Variants in DZIP3 observed in about 807,000 individuals in gnomAD.
DZIP3 encodes the protein DAZ interacting zinc finger protein 3.
Under a neutral mutation model 162.0 loss-of-function variants are expected in DZIP3, and 118 were observed. The observed-to-expected ratio is 0.73, with a 90% confidence interval of 0.63 to 0.85. The LOEUF (loss-of-function observed/expected upper bound fraction) is 0.85. Among genes scored for constraint, DZIP3 ranks in the 40% least tolerant of loss-of-function variants. The pLI is 0.00. For missense variants in DZIP3, 1,331 were observed against 1,407.0 expected, an observed-to-expected ratio of 0.95 and a Z score of 0.86; for synonymous variants, 438 against 458.6, an observed-to-expected ratio of 0.96 and a Z score of 0.57.
intron 1 of DZIP3, among the ~76,000 whole-genome samples, chr3:108,593,517 A>ATTGGAAG (rs1424345544): frequency 6.6e-6 from 1 of 152,182 alleles, no homozygotes; most frequent in Non-Finnish European, 1.5e-5. Context: ...TGAAAAAGAA[A>ATTGGAAG]TTGGAAGTGT....
At chr3:108,680,127 T>A (rs1944252513) in intron 26 of DZIP3, among the ~76,000 whole-genome samples, 1 of 151,974 alleles carries the variant, frequency 6.6e-6, no homozygotes, top group South Asian at 2.1e-4. Context: ...AAAAATTAGG[T>A]ATAGGAGGTA....
chr3:108,688,215 C>G, intron 29 of DZIP3, 119 bp downstream of exon 29: 1 of 1,232,244 alleles, frequency 8.1e-7, no homozygotes, highest in Admixed American at 2.6e-5. Flanking sequence ...CATATTAAAT[C>G]ATCTATTAAC....
chr3:108,651,055 A>T, intron 17 of DZIP3, 82 bp from the exon 18 acceptor site: 1 of 508,296 alleles, frequency 2.0e-6, no homozygotes, highest in Non-Finnish European at 2.9e-6. Context: ...TTTGAGAAAC[A>T]CTGACCTAAA....
chr3:108,595,845 C>A (rs1400649835), intron 1 of DZIP3, among the ~76,000 whole-genome samples: 1 of 152,190 alleles, frequency 6.6e-6, no homozygotes, highest in Admixed American at 6.5e-5. Context: ...GGTGTGAACA[C>A]AGGGCTAATT....
At chr3:108,689,426 G>A (rs1372905732) in intron 31 of DZIP3, among the ~76,000 whole-genome samples, 1 of 152,182 alleles carries the variant, frequency 6.6e-6, no homozygotes, top group Non-Finnish European at 1.5e-5. Flanking sequence ...GCTCACACCT[G>A]TAATCCCAGC....
chr3:108,615,537 A>G (rs753647359), intron 4 of DZIP3, among the ~76,000 whole-genome samples: 1 of 152,206 alleles, frequency 6.6e-6, no homozygotes, highest in Non-Finnish European at 1.5e-5. Flanking sequence ...GAAATAAAGT[A>G]TCTAGTCAGC....
chr3:108,656,344 A>T (rs908841542), intron 19 of DZIP3, among the ~76,000 whole-genome samples: 1 of 152,068 alleles, frequency 6.6e-6, no homozygotes, highest in African/African-American at 2.4e-5. Flanking sequence ...ACCAATATCC[A>T]CTGTTCTGCA....
intron 26 of DZIP3, among the ~76,000 whole-genome samples, chr3:108,680,690 A>G (rs1944273859): frequency 6.6e-6 from 1 of 152,112 alleles, no homozygotes; most frequent in South Asian, 2.1e-4. Flanking sequence ...ATTCAAGGAA[A>G]TGCAAACCAA....
chr3:108,654,384 T>A, intron 19 of DZIP3, 74 bp downstream of exon 19: 1 of 1,536,400 alleles, frequency 6.5e-7, no homozygotes. Flanking sequence ...TTAAACAGCA[T>A]CACCCTTTGA....
At chr3:108,655,572 G>A (rs952282090) in intron 19 of DZIP3, among the ~76,000 whole-genome samples, 7 of 152,114 alleles carry the variant, frequency 4.6e-5, no homozygotes, top group African/African-American at 1.2e-4. Flanking sequence ...CACCGTGAGC[G>A]ATGCAGAAGA....
chr3:108,596,199 G>C (rs965890989), intron 1 of DZIP3, among the ~76,000 whole-genome samples: 6 of 152,178 alleles, frequency 3.9e-5, no homozygotes, highest in Non-Finnish European at 8.8e-5. Context: ...ACAGATTTGT[G>C]GTTGACTGCA....
chr3:108,675,291 CA>C (rs1392137483), intron 24 of DZIP3, among the ~76,000 whole-genome samples: 2 of 151,976 alleles, frequency 1.3e-5, no homozygotes, highest in African/African-American at 4.8e-5. Flanking sequence ...CATTCGTACT[CA>C]AATAGAAGAT....
At chr3:108,647,446 G>A (rs892583364) in intron 15 of DZIP3, among the ~76,000 whole-genome samples, 15 of 152,180 alleles carry the variant, frequency 9.9e-5, no homozygotes, top group African/African-American at 3.1e-4. Context: ...AAGTCCACAA[G>A]TTTTGAGACT....
intron 7 of DZIP3, among the ~76,000 whole-genome samples, chr3:108,627,948 G>A (rs1232325249): frequency 6.6e-6 from 1 of 151,872 alleles, no homozygotes; most frequent in African/African-American, 2.4e-5. Flanking sequence ...GCGCGATCTC[G>A]GCTCACTGCA....
At chr3:108,600,281 G>C (rs1939934178) in intron 1 of DZIP3, among the ~76,000 whole-genome samples, 2 of 152,000 alleles carry the variant, frequency 1.3e-5, no homozygotes, top group Admixed American at 1.3e-4. Flanking sequence ...TTTCAAAATA[G>C]CTATCAAAAT....
chr3:108,616,426 CTT>C (rs1272050057), intron 4 of DZIP3, 113 bp from the exon 5 acceptor site: 1 of 666,600 alleles, frequency 1.5e-6, no homozygotes, highest in African/African-American at 1.9e-5. Flanking sequence ...TTTAAACCGT[CTT>C]TATCTCTATT....
intron 1 of DZIP3, among the ~76,000 whole-genome samples, chr3:108,603,784 A>G (rs1223120135): frequency 6.6e-6 from 1 of 152,176 alleles, no homozygotes; most frequent in Non-Finnish European, 1.5e-5. Flanking sequence ...AGTCAGATGT[A>G]GAATATTGGT....
chr3:108,632,623 G>A (rs1941941724), intron 8 of DZIP3, among the ~76,000 whole-genome samples: 2 of 152,124 alleles, frequency 1.3e-5, no homozygotes, highest in African/African-American at 4.8e-5. Context: ...ATATAGTAGA[G>A]CAAATAATTC....
chr3:108,654,493 G>T (rs1576422959), intron 19 of DZIP3, 183 bp downstream of exon 19: 2 of 602,254 alleles, frequency 3.3e-6, no homozygotes, highest in South Asian at 4.2e-5. Context: ...AAAAAAGAAC[G>T]CCTAGGAGCT....
Sources: gnomAD v4.1 joint callset for allele counts (sites outside exome capture counted in the v4.1 genomes callset) on GRCh38, gnomAD v4.1.1 for gene constraint, MANE v1.5 for transcripts, NCBI Gene and HGNC (gene_info 2026-07-23, HGNC 2026-07-21) for gene names.